The following MNAT1 variants were observed in gnomAD, a reference collection of about 807,000 sequenced individuals.
The protein encoded by MNAT1 is CDK-activating kinase assembly factor MAT1.
Under a neutral mutation model 42.0 loss-of-function variants are expected in MNAT1, and 43 were observed. That is an observed-to-expected ratio of 1.02 (90% CI 0.80 to 1.32). The LOEUF (loss-of-function observed/expected upper bound fraction) is 1.32, where lower values mean the gene tolerates loss of function less well. MNAT1 is among the 40% of genes most tolerant of loss of function. The probability of loss-of-function intolerance (pLI) is 0.00; values close to 1 mark genes in which losing one functional copy is unlikely to be tolerated. For missense variants in MNAT1, 306 were observed against 350.4 expected (o/e 0.87, Z 1.01); for synonymous variants, 118 against 120.0 (o/e 0.98, Z 0.11).
chr14:60,831,254 G>C (rs1258897420), intron 6 of MNAT1, among the ~76,000 whole-genome samples: 1 of 152,008 alleles, frequency 6.6e-6, no homozygotes, highest in Non-Finnish European at 1.5e-5. Flanking sequence ...AGGTATACAC[G>C]AGCCATGGTG....
intron 7 of MNAT1, among the ~76,000 whole-genome samples, chr14:60,928,893 G>C (rs1018333186): frequency 6.6e-6 from 1 of 151,300 alleles, no homozygotes; most frequent in South Asian, 2.1e-4. Context: ...TGTAATCCCA[G>C]CATTTTGGGA....
chr14:60,807,356 A>C (rs1351578804), intron 3 of MNAT1, among the ~76,000 whole-genome samples: 1 of 152,174 alleles, frequency 6.6e-6, no homozygotes, highest in South Asian at 2.1e-4. Flanking sequence ...TAGAAACCCA[A>C]GGGATAGAGC....
At chr14:60,829,606 C>G (rs2033159063) in intron 6 of MNAT1, among the ~76,000 whole-genome samples, 1 of 152,068 alleles carries the variant, frequency 6.6e-6, no homozygotes, top group Non-Finnish European at 1.5e-5. Flanking sequence ...TGAGCATAGG[C>G]AGAAATAATG....
At chr14:60,948,380 G>A (rs1441588753) in intron 7 of MNAT1, among the ~76,000 whole-genome samples, 1 of 152,044 alleles carries the variant, frequency 6.6e-6, no homozygotes, top group Non-Finnish European at 1.5e-5. Context: ...TATGATTGTG[G>A]CACTGCACAC....
intron 6 of MNAT1, among the ~76,000 whole-genome samples, chr14:60,859,441 CTAATTTG>C (rs2034042748): frequency 6.6e-6 from 1 of 152,098 alleles, no homozygotes; most frequent in African/African-American, 2.4e-5. Context: ...TCATGCTACT[CTAATTTG>C]AGTCATTGTG....
intron 7 of MNAT1, among the ~76,000 whole-genome samples, chr14:60,924,342 T>C (rs2035722318): frequency 6.6e-6 from 1 of 151,398 alleles, no homozygotes; most frequent in African/African-American, 2.4e-5. Context: ...ATTACTAAGT[T>C]TGTGCTAGTA....
chr14:60,921,942 C>T (rs2035670049), intron 7 of MNAT1, among the ~76,000 whole-genome samples: 1 of 152,098 alleles, frequency 6.6e-6, no homozygotes, highest in African/African-American at 2.4e-5. Context: ...TCTTTAATTT[C>T]ACTTTTCAGT....
intron 6 of MNAT1, among the ~76,000 whole-genome samples, chr14:60,840,330 G>A (rs979828610): frequency 6.6e-6 from 1 of 152,220 alleles, no homozygotes; most frequent in Non-Finnish European, 1.5e-5. Flanking sequence ...TTGACCCCAA[G>A]TTAAGAAAGA....
chr14:60,754,537 G>C (rs1594726065), intron 1 of MNAT1, among the ~76,000 whole-genome samples: 1 of 151,940 alleles, frequency 6.6e-6, no homozygotes, highest in East Asian at 1.9e-4. Flanking sequence ...TTTTAGTAGA[G>C]ACGGGGTTTC....
chr14:60,802,258 T>A (rs1233789111), intron 3 of MNAT1, among the ~76,000 whole-genome samples: 1 of 152,204 alleles, frequency 6.6e-6, no homozygotes, highest in Non-Finnish European at 1.5e-5. Flanking sequence ...TTTTGAGGTC[T>A]ATTGCACAGC....
intron 1 of MNAT1, among the ~76,000 whole-genome samples, chr14:60,738,016 T>A (rs1044098323): frequency 2.1e-5 from 3 of 145,422 alleles, no homozygotes; most frequent in African/African-American, 7.6e-5. Flanking sequence ...GCCCGGCTAA[T>A]TTTTTTGTAT....
chr14:60,815,519 A>G (rs1049041897), intron 5 of MNAT1, among the ~76,000 whole-genome samples: 1 of 152,100 alleles, frequency 6.6e-6, no homozygotes, highest in Non-Finnish European at 1.5e-5. Context: ...CCAGCCGCAT[A>G]TTCTTTTAGT....
intron 7 of MNAT1, among the ~76,000 whole-genome samples, chr14:60,924,476 G>T (rs1208636549): frequency 1.3e-5 from 2 of 149,948 alleles, no homozygotes; most frequent in African/African-American, 4.9e-5. Context: ...TTTCTATTTA[G>T]AGCTATAATA....
intron 7 of MNAT1, among the ~76,000 whole-genome samples, chr14:60,953,008 A>G (rs573859137): frequency 3.3e-5 from 5 of 152,210 alleles, no homozygotes; most frequent in Admixed American, 1.3e-4. Flanking sequence ...GGCTATCACT[A>G]TTAGAGAGGT....
At chr14:60,951,027 G>A (rs941921352) in intron 7 of MNAT1, among the ~76,000 whole-genome samples, 2 of 152,100 alleles carry the variant, frequency 1.3e-5, no homozygotes, top group Non-Finnish European at 2.9e-5. Flanking sequence ...AGTGCTTTGC[G>A]AATTCAGAGG....
intron 6 of MNAT1, among the ~76,000 whole-genome samples, chr14:60,841,620 G>T (rs1204636489): frequency 2.6e-5 from 4 of 151,830 alleles, no homozygotes; most frequent in African/African-American, 9.7e-5. Flanking sequence ...TTCTGAGTCT[G>T]CTTCTATTGA....
intron 1 of MNAT1, among the ~76,000 whole-genome samples, chr14:60,765,047 TCGA>T (rs1277822744): frequency 6.6e-6 from 1 of 152,102 alleles, no homozygotes; most frequent in Non-Finnish European, 1.5e-5. Context: ...GGTCAGGAGT[TCGA>T]GACCAGCCCG....
intron 7 of MNAT1, among the ~76,000 whole-genome samples, chr14:60,883,206 A>G (rs2034590007): frequency 1.3e-5 from 2 of 152,098 alleles, no homozygotes; most frequent in Non-Finnish European, 2.9e-5. Context: ...TAGGTTAAAT[A>G]GTTTGAGGTC....
At chr14:60,737,052 TA>T (rs1216063559) in intron 1 of MNAT1, among the ~76,000 whole-genome samples, 2 of 152,170 alleles carry the variant, frequency 1.3e-5, no homozygotes, top group Admixed American at 6.5e-5. Flanking sequence ...ATTTTCTTAA[TA>T]TGAACTCTTT....
Sources: gnomAD v4.1 joint callset for allele counts (sites outside exome capture counted in the v4.1 genomes callset) on GRCh38, gnomAD v4.1.1 for gene constraint, MANE v1.5 for transcripts, NCBI Gene and HGNC (gene_info 2026-07-23, HGNC 2026-07-21) for gene names.